SLC35F1: variants seen among roughly 807,000 people sequenced by gnomAD.
SLC35F1 encodes chromosome 6 open reading frame 169.
In SLC35F1, 14 loss-of-function variants were observed where a neutral mutation model predicts 48.7. The observed-to-expected ratio is 0.29, with a 90% CI of 0.19 to 0.45. SLC35F1 has a LOEUF of 0.45. Ranked by LOEUF, SLC35F1 falls within the 20% of genes least tolerant of loss-of-function variation. The pLI, the probability that SLC35F1 is intolerant of heterozygous loss-of-function variation, is 1.00. For synonymous variants in SLC35F1, 190 were observed against 202.2 expected, an observed-to-expected ratio of 0.94 and a Z score of 0.51; for missense variants, 404 against 500.0, an observed-to-expected ratio of 0.81 and a Z score of 1.83.
At chr6:117,923,675 GTACATATATACATATGTACATATA>G (rs1775951176) in intron 1 of SLC35F1, among the ~76,000 whole-genome samples, 1 of 36,304 alleles carries the variant, frequency 2.8e-5, no homozygotes. Context: ...ATACATATAT[GTACATATATACATATGTACATATA>G]CATATATGTA....
intron 7 of SLC35F1, among the ~76,000 whole-genome samples, chr6:118,301,935 T>C (rs1484314759): frequency 2.0e-5 from 3 of 152,212 alleles, no homozygotes; most frequent in Non-Finnish European, 4.4e-5. Flanking sequence ...CTCAACAAAG[T>C]GTGTCATTAA....
At chr6:117,965,736 T>C (rs1461699578) in intron 1 of SLC35F1, among the ~76,000 whole-genome samples, 1 of 152,198 alleles carries the variant, frequency 6.6e-6, no homozygotes, top group Non-Finnish European at 1.5e-5. Flanking sequence ...GTTCTGGTGT[T>C]GGCAGTGAGA....
At chr6:118,093,900 G>A (rs1213072123) in intron 1 of SLC35F1, among the ~76,000 whole-genome samples, 2 of 152,104 alleles carry the variant, frequency 1.3e-5, no homozygotes, top group Non-Finnish European at 2.9e-5. Flanking sequence ...GTAAGAAGAG[G>A]ACTGATAATT....
chr6:118,177,683 T>G (rs1264727019), intron 2 of SLC35F1, among the ~76,000 whole-genome samples: 1 of 152,110 alleles, frequency 6.6e-6, no homozygotes, highest in African/African-American at 2.4e-5. Flanking sequence ...TTCTTAGTTT[T>G]GTTTTAAAAA....
At chr6:118,084,565 A>G (rs1772957518) in intron 1 of SLC35F1, among the ~76,000 whole-genome samples, 1 of 152,164 alleles carries the variant, frequency 6.6e-6, no homozygotes, top group African/African-American at 2.4e-5. Flanking sequence ...TGAGGCAGGA[A>G]CAAAAATACC....
chr6:118,192,508 A>T (rs1479974760), intron 2 of SLC35F1, among the ~76,000 whole-genome samples: 1 of 152,182 alleles, frequency 6.6e-6, no homozygotes, highest in Non-Finnish European at 1.5e-5. Flanking sequence ...AAGTTCAGAA[A>T]CTGCATTAGC....
rs1775711515 is a variant in SLC35F1, at chr6:117,907,850, G to A, written c.124G>A (p.Ala42Thr). ...EGSGGGGSLS[A>T]SSRAGVRQRI... ...CAGCGGCGGCGGCGGGAGCCTGTCC[G>A]CCTCCTCCCGGGCTGGCGTGCGCCA... Residue 42 changes from alanine (A) to threonine (T), a missense_variant, in exon 1 of 8, where the codon GCC (alanine) becomes ACC (threonine). By Grantham distance (58) the Ala-to-Thr change is moderately conservative. Coordinates refer to ENST00000360388, the MANE Select transcript of SLC35F1 (RefSeq NM_001029858.4). The A allele has an allele frequency of 2.0e-6, 3 of 1,534,876 alleles. No homozygotes were observed. The highest frequency in any genetic ancestry group is 2.0e-5 in the Admixed American group (1 of 51,136).
intron 2 of SLC35F1, among the ~76,000 whole-genome samples, chr6:118,197,788 A>G (rs1343878034): frequency 6.6e-6 from 1 of 152,136 alleles, no homozygotes; most frequent in Admixed American, 6.5e-5. Flanking sequence ...CAGAAAAATC[A>G]CTGCTTTACA....
chr6:118,063,511 T>C (rs926390311), intron 1 of SLC35F1, among the ~76,000 whole-genome samples: 3 of 152,188 alleles, frequency 2.0e-5, no homozygotes, highest in African/African-American at 4.8e-5. Context: ...ACTTTTCAGT[T>C]ATTCAGTGTA....
intron 2 of SLC35F1, among the ~76,000 whole-genome samples, chr6:118,187,494 T>G (rs1162023740): frequency 2.0e-5 from 3 of 152,220 alleles, no homozygotes; most frequent in Admixed American, 2.0e-4. Flanking sequence ...ATGACAAGAC[T>G]TCTTCAATGA....
intron 2 of SLC35F1, among the ~76,000 whole-genome samples, chr6:118,208,892 C>T (rs373437751): frequency 1.1e-4 from 16 of 152,238 alleles, no homozygotes; most frequent in African/African-American, 3.9e-4. Context: ...CCTGTTTTTC[C>T]CCTAAGCAAG....
chr6:118,061,866 C>T (rs374486653), intron 1 of SLC35F1, among the ~76,000 whole-genome samples: 7 of 152,012 alleles, frequency 4.6e-5, no homozygotes, highest in East Asian at 1.9e-4. Flanking sequence ...TGCACTCCTA[C>T]GAGAATCTAA....
chr6:118,247,807 T>A (rs1775527589), intron 3 of SLC35F1, among the ~76,000 whole-genome samples: 1 of 151,922 alleles, frequency 6.6e-6, no homozygotes, highest in South Asian at 2.1e-4. Flanking sequence ...GTGCTATCTT[T>A]TAATAGTATG....
intron 1 of SLC35F1, among the ~76,000 whole-genome samples, chr6:117,917,827 GTAGA>G (rs1775846044): frequency 8.2e-6 from 1 of 122,524 alleles, no homozygotes; most frequent in Non-Finnish European, 1.9e-5. Flanking sequence ...GGATGCATGT[GTAGA>G]TAGAGAGAAA....
chr6:118,290,335 G>A (rs936213296), intron 7 of SLC35F1, among the ~76,000 whole-genome samples: 3 of 151,910 alleles, frequency 2.0e-5, no homozygotes, highest in Admixed American at 2.0e-4. Flanking sequence ...CACAGAAGCA[G>A]TACATGCAAA....
rs910343362 is a variant in SLC35F1 at position 117,907,283 on chromosome 6, C to T, written c.-444C>T. 6.6e-6 allele frequency among the ~76,000 whole-genome samples: 1 copy of T among 150,704 alleles called. No individual in the cohort carries two copies. Among genetic ancestry groups the T allele is most frequent in the East Asian group, 2.0e-4 (1 of 5,106 alleles). On this transcript the variant is annotated 5_prime_UTR_variant, in exon 1 of 8. Coordinates refer to ENST00000360388, the MANE Select transcript of SLC35F1 (RefSeq NM_001029858.4). ...TGAGACACAGACGGTAGCTTTCCGA[C>T]CGAGCGGGGCACAGGCTGAGGCGGC...
intron 1 of SLC35F1, among the ~76,000 whole-genome samples, chr6:118,073,002 A>C (rs1029453442): frequency 6.6e-6 from 1 of 150,938 alleles, no homozygotes; most frequent in African/African-American, 2.4e-5. Flanking sequence ...TAGTATAACT[A>C]CTCCCCATAC....
intron 6 of SLC35F1, among the ~76,000 whole-genome samples, chr6:118,283,601 A>G (rs1776011301): frequency 6.6e-6 from 1 of 152,174 alleles, no homozygotes; most frequent in African/African-American, 2.4e-5. Flanking sequence ...AACGGAAACA[A>G]GGCTCTGGTG....
rs1326703035 is a variant in SLC35F1, at chr6:118,297,656, AT to A, written c.1002+12319del. On this transcript the variant is annotated intron_variant, in intron 7 of 7. Transcript: ENST00000360388. The stretch of plus-strand genomic sequence containing the variant: ...TATATATAAAAAATATATATATAAT[AT>A]ATATAATATTATATAAGTTCTGAGA... Among the ~76,000 whole-genome samples the A allele has an allele frequency of 7.4e-4, 101 of 135,814 alleles. 3 individuals are homozygous for A. The highest frequency in any genetic ancestry group is 2.8e-3 in the African/African-American group (96 of 34,594). 89.1% of individuals were successfully genotyped at this position (135,814 alleles called of 152,430 possible). A position where few individuals can be genotyped will look rare whatever the true frequency, so the allele number is the denominator to read the frequency against.
Sources: gnomAD v4.1 joint callset for allele counts (sites outside exome capture counted in the v4.1 genomes callset) on GRCh38, gnomAD v4.1.1 for gene constraint, MANE v1.5 for transcripts, NCBI Gene and HGNC (gene_info 2026-07-23, HGNC 2026-07-21) for gene names.